The following SLC36A1 variants were observed in gnomAD, a reference collection of about 807,000 sequenced individuals.
The protein encoded by SLC36A1 is solute carrier family 36 member 1.
Under a neutral mutation model 47.5 loss-of-function variants are expected in SLC36A1, and 30 were observed. That is an observed-to-expected ratio of 0.63 (90% CI 0.47 to 0.86). SLC36A1 has a LOEUF of 0.86. SLC36A1 is among the 40% of genes least tolerant of loss of function. The pLI is 0.00. For synonymous variants in SLC36A1, 255 were observed against 249.7 expected, an observed-to-expected ratio of 1.02 and a Z score of -0.20; for missense variants, 517 against 606.0, an observed-to-expected ratio of 0.85 and a Z score of 1.54.
chr5:151,417,726 C>A, the SLC36A1 span, among the ~76,000 whole-genome samples: 1 of 152,166 alleles, frequency 6.6e-6, no homozygotes, highest in Non-Finnish European at 1.5e-5. Context: ...AGAAAATTTG[C>A]AACATGACAA....
At chr5:151,465,509 AC>A (rs1447346926) in intron 5 of SLC36A1, among the ~76,000 whole-genome samples, 3 of 152,200 alleles carry the variant, frequency 2.0e-5, no homozygotes, top group Non-Finnish European at 4.4e-5. Context: ...ATGGAACAAA[AC>A]AGTTCTAGGT....
chr5:151,366,402 CAGTGG>C, the SLC36A1 span: 2 of 183,278 alleles, frequency 1.1e-5, no homozygotes, highest in Admixed American at 1.2e-4. Context: ...TTCAAGGTGC[CAGTGG>C]AGTTTGGAAA....
the SLC36A1 span, chr5:151,507,212 G>A: frequency 5.6e-6 from 9 of 1,612,316 alleles, no homozygotes; most frequent in Non-Finnish European, 6.8e-6. Flanking sequence ...AGTGGGAAGG[G>A]ACCGCAGCTG....
At chr5:151,553,290 G>A in the SLC36A1 span, 8 of 1,614,144 alleles carry the variant, frequency 5.0e-6, no homozygotes, top group Admixed American at 1.7e-5. Context: ...CTCATCAAAG[G>A]CCAGAGGGAT....
the SLC36A1 span, among the ~76,000 whole-genome samples, chr5:151,377,839 G>T: frequency 0.016 from 2,484 of 152,234 alleles, 71 homozygotes; most frequent in African/African-American, 0.052. Flanking sequence ...AGCTACTCCT[G>T]CTCACTTTTG....
the SLC36A1 span, chr5:151,509,843 G>T: frequency 1.4e-5 from 9 of 660,448 alleles, no homozygotes; most frequent in East Asian, 1.8e-4. Flanking sequence ...TGTCTTCCAT[G>T]AAACCGGTCC....
upstream of SLC36A1, among the ~76,000 whole-genome samples, chr5:151,443,742 A>T (rs577706465): frequency 1.3e-5 from 2 of 152,204 alleles, no homozygotes; most frequent in Non-Finnish European, 2.9e-5. Context: ...ATCATTGCCA[A>T]GGCCAGTGTC....
the SLC36A1 span, among the ~76,000 whole-genome samples, chr5:151,522,598 A>T: frequency 6.6e-6 from 1 of 152,208 alleles, no homozygotes; most frequent in African/African-American, 2.4e-5. Context: ...CCAGGAGAAA[A>T]GAGACAATAA....
At chr5:151,440,962 C>G (rs77237812) in intron 1 of SLC36A1, among the ~76,000 whole-genome samples, 1 of 152,198 alleles carries the variant, frequency 6.6e-6, no homozygotes, top group Admixed American at 6.5e-5. Flanking sequence ...TTCTACAGCA[C>G]GAGAGAGCAT....
chr5:151,443,767 CT>C (rs1170910503), upstream of SLC36A1, among the ~76,000 whole-genome samples: 1 of 152,176 alleles, frequency 6.6e-6, no homozygotes, highest in African/African-American at 2.4e-5. Flanking sequence ...AGCATTTCCC[CT>C]ATGTTCTCTT....
At chr5:151,429,468 C>G in the SLC36A1 span, among the ~76,000 whole-genome samples, 1 of 150,156 alleles carries the variant, frequency 6.7e-6, no homozygotes. Flanking sequence ...TTTGTCCTTG[C>G]GATAGTTTGC....
At chr5:151,543,721 A>G in the SLC36A1 span, 3 of 1,614,162 alleles carry the variant, frequency 1.9e-6, no homozygotes, top group East Asian at 2.2e-5. Flanking sequence ...TGTAGTGTTG[A>G]TGTACACAGG....
chr5:151,383,397 G>A, the SLC36A1 span, among the ~76,000 whole-genome samples: 1 of 152,022 alleles, frequency 6.6e-6, no homozygotes, highest in South Asian at 2.1e-4. Flanking sequence ...TTGTCGTACA[G>A]CTTATGATGT....
the SLC36A1 span, chr5:151,542,822 C>G: frequency 6.2e-7 from 1 of 1,614,192 alleles, no homozygotes; most frequent in Non-Finnish European, 8.5e-7. Context: ...AGGCAATGTG[C>G]CATCACATCA....
chr5:151,355,455 G>C, the SLC36A1 span, among the ~76,000 whole-genome samples: 160 of 152,270 alleles, frequency 1.1e-3, no homozygotes, highest in African/African-American at 3.6e-3. Context: ...TTGAAAAAGT[G>C]CATTCCTTTT....
At chr5:151,395,041 C>T in the SLC36A1 span, among the ~76,000 whole-genome samples, 64,559 of 152,048 alleles carry the variant, frequency 0.42, 14,087 homozygotes, top group African/African-American at 0.53. Flanking sequence ...CCTTGAGCTG[C>T]GGTGGGCTCC....
chr5:151,354,867 G>T, the SLC36A1 span, among the ~76,000 whole-genome samples: 1 of 152,122 alleles, frequency 6.6e-6, no homozygotes, highest in African/African-American at 2.4e-5. Flanking sequence ...ACGGGGGGTG[G>T]CAGAAGTGGT....
At chr5:151,466,441 C>T (rs962139440) in intron 5 of SLC36A1, among the ~76,000 whole-genome samples, 8 of 152,310 alleles carry the variant, frequency 5.3e-5, no homozygotes, top group African/African-American at 9.6e-5. Context: ...ACGTCTGAGA[C>T]GTTTTTCTCT....
the SLC36A1 span, chr5:151,366,551 T>C: frequency 4.8e-5 from 12 of 248,046 alleles, no homozygotes; most frequent in Non-Finnish European, 9.0e-5. Flanking sequence ...GAGTAGTAGG[T>C]AGTCATCTCC....
Sources: gnomAD v4.1 joint callset for allele counts (sites outside exome capture counted in the v4.1 genomes callset) on GRCh38, gnomAD v4.1.1 for gene constraint, MANE v1.5 for transcripts, NCBI Gene and HGNC (gene_info 2026-07-23, HGNC 2026-07-21) for gene names.